CCDC171: variants seen among roughly 807,000 people sequenced by gnomAD.
The protein encoded by CCDC171 is coiled-coil domain-containing protein 171.
A neutral mutation model predicts 168.2 loss-of-function variants in CCDC171; 177 were observed. The observed-to-expected ratio is 1.05, with a 90% CI of 0.93 to 1.19. The LOEUF (loss-of-function observed/expected upper bound fraction) is 1.19, where lower values mean the gene tolerates loss of function less well. Ranked by LOEUF, CCDC171 falls within the 50% of genes most tolerant of loss-of-function variation. The pLI is 0.00. For synonymous variants in CCDC171, 687 were observed against 540.8 expected (o/e 1.27, Z -3.75); for missense variants, 1,991 against 1,539.0 (o/e 1.29, Z -4.91).
chr9:16,011,770 T>A (rs1204612388), intron 3 of CCDC171, among the ~76,000 whole-genome samples: 6 of 152,168 alleles, frequency 3.9e-5, no homozygotes. Flanking sequence ...AAGCTTACAG[T>A]TAATTAGGAA....
chr9:15,983,543 A>G (rs1239596231), intron 3 of CCDC171, among the ~76,000 whole-genome samples: 1 of 140,746 alleles, frequency 7.1e-6, no homozygotes, highest in East Asian at 2.2e-4. Context: ...GCATATGTGG[A>G]ATATCTAGGC....
chr9:15,999,458 C>T lies in CCDC171; in HGVS notation n.369-21131C>T, dbSNP rs952743397. Among the ~76,000 whole-genome samples, 8 of 152,130 alleles carry T rather than the reference C, an allele frequency of 5.3e-5. No homozygotes were observed. The East Asian group carries it at 1.6e-3, about 30-fold the overall frequency. ...AGAGAGGTGAAAGAAAGAAAACCTG[C>T]TGACAGGGCCTGATATAGTGCCATC... On this transcript the variant is annotated intron_variant and non_coding_transcript_variant, in intron 3 of 9. Transcript: ENST00000486641.
intron 11 of CCDC171, among the ~76,000 whole-genome samples, chr9:15,714,556 A>G (rs1384390870): frequency 6.7e-6 from 1 of 149,888 alleles, no homozygotes; most frequent in East Asian, 2.0e-4. Flanking sequence ...GTTCAGATCC[A>G]GTGTCCAGTT....
At chr9:15,768,022 A>C (rs1034920046) in intron 18 of CCDC171, among the ~76,000 whole-genome samples, 3 of 150,344 alleles carry the variant, frequency 2.0e-5, no homozygotes, top group Admixed American at 2.0e-4. Context: ...GGGGTGAGCC[A>C]CTGCGCCCAG....
chr9:15,928,861 G>C (rs150873121), intron 25 of CCDC171, among the ~76,000 whole-genome samples: 1 of 151,704 alleles, frequency 6.6e-6, no homozygotes, highest in South Asian at 2.1e-4. Flanking sequence ...AGAGTTGTTT[G>C]TATAGGAAAC....
At chr9:15,588,016 C>T (rs1327835110) in intron 4 of CCDC171, among the ~76,000 whole-genome samples, 1 of 152,140 alleles carries the variant, frequency 6.6e-6, no homozygotes, top group East Asian at 1.9e-4. Flanking sequence ...GCAGGTGGAT[C>T]ATGAGGTCAG....
chr9:15,685,899 TGTAATA>T (rs1200184372), intron 10 of CCDC171, among the ~76,000 whole-genome samples: 2 of 152,304 alleles, frequency 1.3e-5, no homozygotes, highest in Non-Finnish European at 2.9e-5. Context: ...TAATTACAAA[TGTAATA>T]GTAATTTTCA....
Position 15,779,121 on chromosome 9 carries a change from CAAATGCAATT to C in CCDC171, c.3058_3067del (p.Gln1020AsnfsTer7). Reference sequence around the variant, plus strand: ...GGAGCTTGACAAAGCCCAGGGTCTGCAAATGCAATTAAATGAATTTAAGCAGTCTGTAAGT... The same window carrying C: ...GGAGCTTGACAAAGCCCAGGGTCTGCAAATGAATTTAAGCAGTCTGTAAGT... On this transcript the variant is annotated frameshift_variant, in exon 20 of 26. Coordinates refer to ENST00000380701, the MANE Select transcript of CCDC171 (RefSeq NM_173550.4). LOFTEE classifies it high-confidence loss of function. The C allele has an allele frequency of 3.8e-6, 6 of 1,582,938 alleles. No individual in the cohort carries two copies. The highest frequency in any genetic ancestry group is 5.1e-6 in the Non-Finnish European group (6 of 1,168,164).
chr9:15,739,037 A>G (rs1418164355), intron 16 of CCDC171, among the ~76,000 whole-genome samples: 4 of 152,202 alleles, frequency 2.6e-5, no homozygotes, highest in Non-Finnish European at 5.9e-5. Flanking sequence ...TCTAGGAACT[A>G]GCAATCTTGT....
chr9:16,063,046 C>A (rs1330736827), downstream of CCDC171, among the ~76,000 whole-genome samples: 2 of 152,130 alleles, frequency 1.3e-5, no homozygotes, highest in Admixed American at 6.5e-5. Flanking sequence ...GTTACCGACA[C>A]CTGGTACCAC....
the CCDC171 span, among the ~76,000 whole-genome samples, chr9:16,076,720 A>G: frequency 6.6e-6 from 1 of 152,180 alleles, no homozygotes; most frequent in African/African-American, 2.4e-5. Context: ...GCCAGCAGGA[A>G]AATTTATAGC....
chr9:15,558,613 C>T (rs1023171266), intron 1 of CCDC171, among the ~76,000 whole-genome samples: 2 of 151,642 alleles, frequency 1.3e-5, no homozygotes, highest in African/African-American at 4.8e-5. Context: ...ATCTTTGATT[C>T]TTCTCTCTTT....
At chr9:15,792,231 A>C (rs1051904829) in intron 21 of CCDC171, among the ~76,000 whole-genome samples, 4 of 152,252 alleles carry the variant, frequency 2.6e-5, no homozygotes, top group African/African-American at 9.6e-5. Context: ...CAGTGATTGA[A>C]GATCAAATGA....
intron 21 of CCDC171, among the ~76,000 whole-genome samples, chr9:15,792,276 CAG>C (rs1466182287): frequency 6.6e-6 from 1 of 152,028 alleles, no homozygotes; most frequent in Non-Finnish European, 1.5e-5. Flanking sequence ...TTAGAGAAAA[CAG>C]AGGAAAAAGA....
intron 1 of CCDC171, among the ~76,000 whole-genome samples, chr9:15,558,682 G>C (rs761426413): frequency 6.6e-6 from 1 of 152,046 alleles, no homozygotes. Flanking sequence ...CCAAAAACCA[G>C]CTCCTGGATT....
At chr9:15,655,449 C>T (rs1282327107) in intron 7 of CCDC171, among the ~76,000 whole-genome samples, 2 of 152,112 alleles carry the variant, frequency 1.3e-5, no homozygotes, top group Non-Finnish European at 2.9e-5. Flanking sequence ...GACTAGTAAT[C>T]CGCTACTTCC....
intron 3 of CCDC171, among the ~76,000 whole-genome samples, chr9:15,992,975 C>T (rs1232450497): frequency 6.6e-6 from 1 of 152,160 alleles, no homozygotes; most frequent in African/African-American, 2.4e-5. Flanking sequence ...ACATTCCATG[C>T]TCATGGATAG....
At chr9:16,069,627 G>A in the CCDC171 span, among the ~76,000 whole-genome samples, 1 of 152,236 alleles carries the variant, frequency 6.6e-6, no homozygotes, top group African/African-American at 2.4e-5. Context: ...GATTAGCTTA[G>A]CTGTCCCTTG....
chr9:15,597,552 T>A (rs1272753156), intron 6 of CCDC171, among the ~76,000 whole-genome samples: 2 of 152,148 alleles, frequency 1.3e-5, no homozygotes, highest in Non-Finnish European at 2.9e-5. Context: ...TTTGCCAGTA[T>A]TTTTTTGAGG....
Sources: gnomAD v4.1 joint callset for allele counts (sites outside exome capture counted in the v4.1 genomes callset) on GRCh38, gnomAD v4.1.1 for gene constraint, MANE v1.5 for transcripts, NCBI Gene and HGNC (gene_info 2026-07-23, HGNC 2026-07-21) for gene names.